The following PIP5K1B variants were observed in gnomAD, a reference collection of about 807,000 sequenced individuals.
PIP5K1B encodes phosphatidylinositol-4-phosphate 5-kinase type 1 beta, also known as phosphatidylinositol 4-phosphate 5-kinase type-1 beta.
In PIP5K1B, 42 loss-of-function variants were observed where a neutral mutation model predicts 67.0. The observed-to-expected ratio is 0.63, with a 90% CI of 0.49 to 0.81. The LOEUF (loss-of-function observed/expected upper bound fraction) is 0.81, where lower values mean the gene tolerates loss of function less well. Ranked by LOEUF, PIP5K1B falls within the 30% of genes least tolerant of loss-of-function variation. PIP5K1B has a pLI of 0.00. For synonymous variants in PIP5K1B, 214 were observed against 231.4 expected, an observed-to-expected ratio of 0.92 and a Z score of 0.68; for missense variants, 459 against 646.3, an observed-to-expected ratio of 0.71 and a Z score of 3.14.
At position 68,855,847 on chromosome 9, in the gene PIP5K1B, G is replaced by A. The variant is rs539372797; in HGVS notation, c.70-7990G>A. On this transcript the variant is annotated intron_variant, in intron 4 of 15. Coordinates refer to ENST00000265382, the MANE Select transcript of PIP5K1B (RefSeq NM_003558.4). The stretch of plus-strand genomic sequence containing the variant: ...AACCTCCTCCTCTCTGAGAGGAAGT[G>A]GGACAACCTCTTGCTTCTGAGTTCT... Among the ~76,000 whole-genome samples the A allele has an allele frequency of 1.5e-3, 230 of 152,258 alleles. 4 individuals carry two copies. Among genetic ancestry groups the A allele is most frequent in the Non-Finnish European group, 2.1e-3 (140 of 68,012 alleles).
chr9:68,772,482 C>T (rs183512243), intron 2 of PIP5K1B, among the ~76,000 whole-genome samples: 13 of 152,272 alleles, frequency 8.5e-5, no homozygotes, highest in African/African-American at 2.2e-4. Flanking sequence ...AAAAGTTCAG[C>T]GCTACCGGGG....
intron 6 of PIP5K1B, among the ~76,000 whole-genome samples, chr9:68,879,610 TAGAG>T (rs1453509930): frequency 2.0e-5 from 3 of 151,914 alleles, no homozygotes; most frequent in Admixed American, 6.6e-5. Context: ...AAATTTGAAT[TAGAG>T]AGGAGGAATA....
intron 2 of PIP5K1B, chr9:68,782,443 C>T (rs1831345721): frequency 6.0e-6 from 1 of 166,626 alleles, no homozygotes; most frequent in Admixed American, 6.6e-5. Context: ...ATCCTTATAC[C>T]TCACATATCT....
chr9:68,714,104 C>T (rs911465957), intron 1 of PIP5K1B, among the ~76,000 whole-genome samples: 8 of 152,164 alleles, frequency 5.3e-5, no homozygotes, highest in Admixed American at 4.6e-4. Flanking sequence ...AGAACATAAG[C>T]GAATCTAAAA....
At chr9:68,947,821 T>G (rs919127238) in intron 14 of PIP5K1B, among the ~76,000 whole-genome samples, 3 of 152,240 alleles carry the variant, frequency 2.0e-5, no homozygotes, top group Non-Finnish European at 4.4e-5. Flanking sequence ...GGTACTGTGC[T>G]GGTTGTAAAT....
intron 2 of PIP5K1B, among the ~76,000 whole-genome samples, chr9:68,763,035 G>A (rs1275212286): frequency 6.6e-6 from 1 of 152,114 alleles, no homozygotes; most frequent in Admixed American, 6.6e-5. Flanking sequence ...CATGTTATGT[G>A]TGAATGGGTA....
At chr9:68,877,741 C>G (rs1263149767) in intron 6 of PIP5K1B, among the ~76,000 whole-genome samples, 1 of 152,132 alleles carries the variant, frequency 6.6e-6, no homozygotes, top group Non-Finnish European at 1.5e-5. Context: ...TCTGAATCTT[C>G]TTGTAAAGGA....
chr9:68,885,963 T>G (rs1824450514), intron 6 of PIP5K1B, among the ~76,000 whole-genome samples: 1 of 152,140 alleles, frequency 6.6e-6, no homozygotes, highest in East Asian at 1.9e-4. Context: ...CGGCGGATCA[T>G]GAGGTCAGGA....
Position 68,935,515 on chromosome 9 carries a change from T to G in PIP5K1B, c.1357+470T>G. ...GATAGCTACAGTAAGATGCAGTTCA[T>G]GCACATTTTAACTACCACATAAAAA... On this transcript the variant is annotated intron_variant, in intron 13 of 15. Transcript: ENST00000265382. Among the ~76,000 whole-genome samples the G allele has an allele frequency of 1.3e-5, 2 of 152,192 alleles. 1 individual carries two copies. Among genetic ancestry groups the G allele is most frequent in the Non-Finnish European group, 2.9e-5 (2 of 68,036 alleles).
intron 3 of PIP5K1B, 70 bp downstream of exon 3, chr9:68,818,615 G>A (rs1833571772): frequency 6.6e-6 from 1 of 152,140 alleles, no homozygotes. Context: ...CCTTTTTATT[G>A]TAAATATTTT....
chr9:68,934,965 C>T lies in PIP5K1B; in HGVS notation c.1277C>T (p.Ser426Phe). Residue 426 changes from serine (S) to phenylalanine (F), a missense_variant, in exon 13 of 16, where the codon TCC (serine) becomes TTC (phenylalanine). Coordinates refer to ENST00000265382, the MANE Select transcript of PIP5K1B (RefSeq NM_003558.4). Reference protein sequence around the residue: ...ALKATSQEIVSSISQEWKDEK... With the variant: ...ALKATSQEIVFSISQEWKDEK... Reference sequence around the variant, plus strand: ...AAGGCCACTTCACAGGAGATTGTGTCCTCAATTAGCCAGGAATGGAAGGAT... The same window carrying T: ...AAGGCCACTTCACAGGAGATTGTGTTCTCAATTAGCCAGGAATGGAAGGAT... 3 of 1,613,644 alleles carry T rather than the reference C, an allele frequency of 1.9e-6. No individual in the cohort carries two copies. The highest frequency in any genetic ancestry group is 2.5e-6 in the Non-Finnish European group (3 of 1,179,720).
At chr9:68,890,656 C>G (rs535291524) in intron 7 of PIP5K1B, among the ~76,000 whole-genome samples, 21 of 143,982 alleles carry the variant, frequency 1.5e-4, no homozygotes, top group African/African-American at 5.4e-4. Context: ...CAATACTGAG[C>G]AATTATTTTT....
At chr9:68,801,612 A>G (rs890303310) in intron 2 of PIP5K1B, among the ~76,000 whole-genome samples, 1 of 152,230 alleles carries the variant, frequency 6.6e-6, no homozygotes, top group Non-Finnish European at 1.5e-5. Context: ...ACTCCTGTGA[A>G]TATAATATAC....
chr9:68,986,543 T>A (rs959104260), intron 14 of PIP5K1B, among the ~76,000 whole-genome samples: 2 of 152,188 alleles, frequency 1.3e-5, no homozygotes, highest in Non-Finnish European at 2.9e-5. Context: ...AATATTCTAC[T>A]TACTAAGATA....
rs147332340 is a variant in PIP5K1B, at chr9:68,732,892, G to A, written c.-242-9609G>A. Among the ~76,000 whole-genome samples, 91 of 139,502 alleles carry A rather than the reference G, an allele frequency of 6.5e-4. 2 individuals carry two copies. In the East Asian group the frequency reaches 0.016, roughly 25 times the overall value. 91.5% of individuals were successfully genotyped at this position (139,502 alleles called of 152,430 possible). ...GGCATCCATGAAAAGCTCATAATCC[G>A]TTGCTGGTGATGTGGAGGTGGGTTG... On this transcript the variant is annotated intron_variant, in intron 1 of 15. Transcript: ENST00000265382.
chr9:68,827,368 G>A (rs1293617080), intron 4 of PIP5K1B, among the ~76,000 whole-genome samples: 1 of 152,234 alleles, frequency 6.6e-6, no homozygotes. Context: ...CACCAATGCG[G>A]TAGCCACAAG....
chr9:68,845,520 C>T (rs1478031219), intron 4 of PIP5K1B, among the ~76,000 whole-genome samples: 1 of 152,034 alleles, frequency 6.6e-6, no homozygotes, highest in Non-Finnish European at 1.5e-5. Context: ...ACAGGAGAAA[C>T]ATAGTAATTT....
intron 8 of PIP5K1B, among the ~76,000 whole-genome samples, chr9:68,900,462 T>C (rs1825304014): frequency 6.6e-6 from 1 of 152,228 alleles, no homozygotes; most frequent in South Asian, 2.1e-4. Context: ...TAATTTACCA[T>C]GATTATTTTT....
At chr9:68,856,356 ACT>A (rs1405204258) in intron 4 of PIP5K1B, among the ~76,000 whole-genome samples, 3 of 152,014 alleles carry the variant, frequency 2.0e-5, no homozygotes, top group Non-Finnish European at 2.9e-5. Flanking sequence ...TAAGGGCAAG[ACT>A]CTGTTCAGGT....
Sources: gnomAD v4.1 joint callset for allele counts (sites outside exome capture counted in the v4.1 genomes callset) on GRCh38, gnomAD v4.1.1 for gene constraint, MANE v1.5 for transcripts, NCBI Gene and HGNC (gene_info 2026-07-23, HGNC 2026-07-21) for gene names.